Variants in LGR5 observed in about 807,000 individuals in gnomAD.
LGR5 encodes leucine rich repeat containing G protein-coupled receptor 5.
In LGR5, 54 loss-of-function variants were observed where a neutral mutation model predicts 76.7. That is an observed-to-expected ratio of 0.70 (90% CI 0.57 to 0.88). The LOEUF (loss-of-function observed/expected upper bound fraction) is 0.88, where lower values mean the gene tolerates loss of function less well. Among genes scored for constraint, LGR5 ranks in the 40% least tolerant of loss-of-function variants. The pLI, the probability that LGR5 is intolerant of heterozygous loss-of-function variation, is 0.00. For missense variants in LGR5, 1,078 were observed against 1,073.3 expected (o/e 1.00, Z -0.06); for synonymous variants, 406 against 421.9 (o/e 0.96, Z 0.46).
At chr12:71,481,033 C>T (rs1219554463) in intron 1 of LGR5, among the ~76,000 whole-genome samples, 1 of 152,120 alleles carries the variant, frequency 6.6e-6, no homozygotes, top group African/African-American at 2.4e-5. Context: ...CCAGCAACGG[C>T]TTTTTGAACC....
At chr12:71,530,383 G>C (rs1247640621) in intron 3 of LGR5, among the ~76,000 whole-genome samples, 5 of 152,126 alleles carry the variant, frequency 3.3e-5, no homozygotes, top group Admixed American at 2.6e-4. Context: ...ATTGTGATAT[G>C]GTGAGAAAGA....
intron 1 of LGR5, among the ~76,000 whole-genome samples, chr12:71,479,264 G>A (rs892635825): frequency 2.0e-5 from 3 of 152,180 alleles, no homozygotes; most frequent in Admixed American, 1.3e-4. Context: ...GGAAGATACA[G>A]TAATCTTTAA....
At chr12:71,469,103 A>G (rs1444920301) in intron 1 of LGR5, among the ~76,000 whole-genome samples, 2 of 152,220 alleles carry the variant, frequency 1.3e-5, no homozygotes. Flanking sequence ...TTCTACTTCC[A>G]GAATGACTAT....
At chr12:71,467,817 T>C (rs1872926866) in intron 1 of LGR5, among the ~76,000 whole-genome samples, 1 of 152,184 alleles carries the variant, frequency 6.6e-6, no homozygotes, top group Non-Finnish European at 1.5e-5. Context: ...GAGATGGGTG[T>C]ATTTTAACCT....
At chr12:71,479,459 G>A (rs1873487699) in intron 1 of LGR5, among the ~76,000 whole-genome samples, 1 of 152,158 alleles carries the variant, frequency 6.6e-6, no homozygotes, top group African/African-American at 2.4e-5. Flanking sequence ...AAAAGCTGGC[G>A]ATTCAGCACC....
At chr12:71,444,032 AT>A (rs926541906) in intron 1 of LGR5, among the ~76,000 whole-genome samples, 10 of 152,234 alleles carry the variant, frequency 6.6e-5, no homozygotes, top group Admixed American at 3.3e-4. Flanking sequence ...AAAAGCCACA[AT>A]TAGTTAAATC....
chr12:71,539,698 G>A (rs774257018), intron 4 of LGR5, among the ~76,000 whole-genome samples: 7 of 152,104 alleles, frequency 4.6e-5, no homozygotes, highest in African/African-American at 9.7e-5. Flanking sequence ...GGCTGGTCTC[G>A]AATGCCTGAG....
intron 6 of LGR5, 149 bp downstream of exon 6, chr12:71,556,839 C>A (rs1877795687): frequency 1.5e-6 from 1 of 650,972 alleles, no homozygotes; most frequent in Non-Finnish European, 2.8e-6. Context: ...CTTACACACA[C>A]AACCCCCACA....
At position 71,574,301 on chromosome 12, in the gene LGR5, C is replaced by CAAAAAAAAAAAAAAAAAAAAA; in HGVS notation, c.1208+1382_1208+1402dup. On this transcript the variant is annotated intron_variant, in intron 13 of 17. Transcript: ENST00000266674. ...TGAGTGACAGAGCAAGACTCTGTCT[C>CAAAAAAAAAAAAAAAAAAAAA]AAAAAAAAAAAAAAAAAAAAAAGGC... Among the ~76,000 whole-genome samples, 2 of 50,232 alleles carry CAAAAAAAAAAAAAAAAAAAAA rather than the reference C, an allele frequency of 4.0e-5. 1 individual carries two copies. The highest frequency in any genetic ancestry group is 6.6e-5 in the Non-Finnish European group (2 of 30,356). 33.0% of individuals were successfully genotyped at this position (50,232 alleles called of 152,430 possible).
At chr12:71,484,380 G>A (rs1873738658) in intron 1 of LGR5, among the ~76,000 whole-genome samples, 1 of 152,156 alleles carries the variant, frequency 6.6e-6, no homozygotes, top group South Asian at 2.1e-4. Context: ...CGATCAAACA[G>A]CTATATGGTT....
At chr12:71,552,455 C>T (rs1877535191) in intron 4 of LGR5, among the ~76,000 whole-genome samples, 4 of 151,718 alleles carry the variant, frequency 2.6e-5, no homozygotes, top group African/African-American at 9.7e-5. Flanking sequence ...ATCCCAGCTA[C>T]TCGAGAGGCT....
At chr12:71,524,861 G>A (rs139755566) in intron 3 of LGR5, among the ~76,000 whole-genome samples, 40 of 152,212 alleles carry the variant, frequency 2.6e-4, no homozygotes, top group South Asian at 1.9e-3. Context: ...GCTTCAAACC[G>A]GTTTCAAAGG....
At chr12:71,500,628 A>AT (rs1874557040) in intron 1 of LGR5, among the ~76,000 whole-genome samples, 1 of 151,616 alleles carries the variant, frequency 6.6e-6, no homozygotes, top group Admixed American at 6.6e-5. Context: ...ATTTATTTTT[A>AT]TTTTTTATTT....
At chr12:71,485,182 A>T (rs963502703) in intron 1 of LGR5, among the ~76,000 whole-genome samples, 1 of 152,222 alleles carries the variant, frequency 6.6e-6, no homozygotes, top group Non-Finnish European at 1.5e-5. Context: ...TGTTATTATA[A>T]TGATAATAAT....
At chr12:71,495,952 T>C (rs1436208195) in intron 1 of LGR5, among the ~76,000 whole-genome samples, 1 of 152,036 alleles carries the variant, frequency 6.6e-6, no homozygotes, top group African/African-American at 2.4e-5. Flanking sequence ...GCTGGCACTT[T>C]GCAAAAAAAG....
chr12:71,578,861 T>G lies in LGR5; in HGVS notation c.1338T>G (p.Thr446=). The change falls in exon 15 of 18, where the codon ACT becomes ACG. Residue 446 remains threonine, a synonymous_variant. Coordinates refer to ENST00000266674, the MANE Select transcript of LGR5 (RefSeq NM_003667.4). Reference sequence around the variant, plus strand: ...CTATAACTGGGTTACATGGTTTAACTCACTTAAAATTAACAGGAAATCATG... The same window carrying G: ...CTATAACTGGGTTACATGGTTTAACGCACTTAAAATTAACAGGAAATCATG... ...SFPITGLHGL[T]HLKLTGNHAL... is the part of the protein sequence containing the mutation. The G allele has an allele frequency of 6.2e-7, 1 of 1,612,972 alleles. No individual in the cohort carries two copies. Among genetic ancestry groups the G allele is most frequent in the Non-Finnish European group, 8.5e-7 (1 of 1,179,254 alleles).
Position 71,576,636 on chromosome 12 carries a change from T to A in LGR5, c.1209-1289T>A, listed in dbSNP as rs75981235. Among the ~76,000 whole-genome samples, 1,358 of 152,226 alleles carry A rather than the reference T, an allele frequency of 8.9e-3. 17 individuals are homozygous for A. The highest frequency in any genetic ancestry group is 0.031 in the African/African-American group (1,277 of 41,522). On this transcript the variant is annotated intron_variant, in intron 13 of 17. Transcript: ENST00000266674. ...GCTGGGAGGATTCCAGCGCACGGGC[T>A]CATGAATTGAAAAGGAATTACAGGC...
intron 1 of LGR5, among the ~76,000 whole-genome samples, chr12:71,491,511 G>T (rs949427554): frequency 6.6e-6 from 1 of 151,918 alleles, no homozygotes; most frequent in African/African-American, 2.4e-5. Flanking sequence ...CCCTTGTAAG[G>T]TAATGGTTAT....
chr12:71,546,976 A>G lies in LGR5; in HGVS notation c.429-6097A>G, dbSNP rs952377075. Among the ~76,000 whole-genome samples the G allele has an allele frequency of 3.0e-4, 46 of 152,228 alleles. 1 individual carries two copies. Among genetic ancestry groups the G allele is most frequent in the African/African-American group, 9.6e-4 (40 of 41,542 alleles). ...TGGGAGAGGCAACCACTGGGACCGT[A>G]AGAGACAGTCCCCTTGGCCAAGCAG... On this transcript the variant is annotated intron_variant, in intron 4 of 17. Transcript: ENST00000266674.
Sources: allele counts gnomAD v4.1 joint callset (sites outside exome capture counted in the v4.1 genomes callset), GRCh38; gene constraint gnomAD v4.1.1; transcripts MANE v1.5; gene names NCBI Gene and HGNC (gene_info 2026-07-23, HGNC 2026-07-21).